Variants in PCID2 observed in about 807,000 individuals in gnomAD.
The protein encoded by PCID2 is PCI domain-containing protein 2.
PCID2 carries 41 observed loss-of-function variants against 61.3 expected under a neutral mutation model. The ratio of observed to expected loss-of-function variants is 0.67; its 90% CI spans 0.52 to 0.87. PCID2 has a LOEUF of 0.87. Ranked by LOEUF, PCID2 falls within the 40% of genes least tolerant of loss-of-function variation. The pLI, the probability that PCID2 is intolerant of heterozygous loss-of-function variation, is 0.00. For synonymous variants in PCID2, 187 were observed against 177.8 expected, an observed-to-expected ratio of 1.05 and a Z score of -0.41; for missense variants, 392 against 493.4, an observed-to-expected ratio of 0.79 and a Z score of 1.95.
the PCID2 span, among the ~76,000 whole-genome samples, chr13:113,168,465 C>T: frequency 6.6e-6 from 1 of 152,268 alleles, no homozygotes; most frequent in Admixed American, 6.5e-5. Flanking sequence ...CCTCTCTGCA[C>T]TTGGGCCTGC....
the PCID2 span, among the ~76,000 whole-genome samples, chr13:113,169,319 C>T: frequency 2.0e-5 from 3 of 152,148 alleles, no homozygotes; most frequent in South Asian, 2.1e-4. Context: ...TTTAAAAATA[C>T]GTATTTTTGT....
At chr13:113,194,132 C>T (rs2038826285) in intron 6 of PCID2, among the ~76,000 whole-genome samples, 1 of 152,198 alleles carries the variant, frequency 6.6e-6, no homozygotes, top group African/African-American at 2.4e-5. Context: ...GGGGGACTAG[C>T]TCCTCATTAC....
the PCID2 span, chr13:113,165,135 T>A: frequency 6.2e-7 from 1 of 1,606,034 alleles, no homozygotes; most frequent in Non-Finnish European, 8.5e-7. Context: ...CAGAGCGCTC[T>A]CCGCGTGCTT....
chr13:113,198,006 T>C (rs2039148709), intron 3 of PCID2, among the ~76,000 whole-genome samples, 185 bp downstream of exon 3: 1 of 152,022 alleles, frequency 6.6e-6, no homozygotes, highest in Admixed American at 6.5e-5. Context: ...ATGTTAAAAA[T>C]AGTATTATAT....
Position 113,179,778 on chromosome 13 carries a change from A to G in PCID2, c.986+139T>C. On this transcript the variant is annotated intron_variant, in intron 12 of 13. Transcript: ENST00000337344. This position sits in a 1 kb window ranked among gnomAD's most constrained non-coding sequence, Gnocchi z 4.3. ...CCAGGAGGCAGTGGGCGGAGGCTTC[A>G]TTTTATCCCACACAATGGAAGGAAG... 1.2e-6 allele frequency: 1 copy of G among 854,170 alleles called. No individual in the cohort carries two copies. Among genetic ancestry groups the G allele is most frequent in the Non-Finnish European group, 1.8e-6 (1 of 558,936 alleles). 52.9% of individuals were successfully genotyped at this position (854,170 alleles called of 1,614,324 possible). A position where few individuals can be genotyped will look rare whatever the true frequency, so the allele number is the denominator to read the frequency against.
intron 7 of PCID2, among the ~76,000 whole-genome samples, chr13:113,189,721 A>G (rs903965998): frequency 6.6e-6 from 1 of 150,724 alleles, no homozygotes; most frequent in African/African-American, 2.4e-5. Context: ...AAGGAGAGGA[A>G]AAAAAAAAAA....
chr13:113,193,480 G>A (rs1464270905), intron 6 of PCID2, among the ~76,000 whole-genome samples: 1 of 152,194 alleles, frequency 6.6e-6, no homozygotes, highest in Non-Finnish European at 1.5e-5. Flanking sequence ...GGACCAGATT[G>A]CCTCTGCTGA....
At chr13:113,199,689 C>T (rs2039274584) in intron 2 of PCID2, among the ~76,000 whole-genome samples, 1 of 152,162 alleles carries the variant, frequency 6.6e-6, no homozygotes, top group Non-Finnish European at 1.5e-5. Context: ...TGAGTCTCAT[C>T]GAGTCTCTAG....
At chr13:113,201,606 T>A (rs978427797) in intron 1 of PCID2, among the ~76,000 whole-genome samples, 1 of 151,924 alleles carries the variant, frequency 6.6e-6, no homozygotes, top group Non-Finnish European at 1.5e-5. Flanking sequence ...GGTCAGAAGA[T>A]CGAGACCCTC....
At chr13:113,184,758 G>A (rs2037949462) in intron 8 of PCID2, among the ~76,000 whole-genome samples, 2 of 150,770 alleles carry the variant, frequency 1.3e-5, no homozygotes. Context: ...GCCCTGCAGT[G>A]GGAAGCCGTT....
chr13:113,203,798 C>T (rs2039604618), intron 1 of PCID2, among the ~76,000 whole-genome samples: 1 of 152,210 alleles, frequency 6.6e-6, no homozygotes, highest in African/African-American at 2.4e-5. Flanking sequence ...TGCGTCTTCC[C>T]CGTTTGCCCT....
chr13:113,197,325 C>T, intron 3 of PCID2, 82 bp from the exon 4 acceptor site: 2 of 939,248 alleles, frequency 2.1e-6, no homozygotes, highest in South Asian at 2.6e-5. Flanking sequence ...CTTCATTGCA[C>T]AGGTCCCAGT....
intron 3 of PCID2, among the ~76,000 whole-genome samples, chr13:113,197,480 A>G (rs1184822513): frequency 6.6e-6 from 1 of 152,238 alleles, no homozygotes; most frequent in East Asian, 1.9e-4. Context: ...TATGAGTAAC[A>G]CATGTTGATA....
the PCID2 span, chr13:113,165,031 C>T: frequency 3.1e-6 from 5 of 1,612,592 alleles, no homozygotes; most frequent in Non-Finnish European, 4.2e-6. Context: ...TTTTTATTCT[C>T]ATGTTGCTGC....
chr13:113,199,410 A>G (rs1206048652), intron 2 of PCID2, among the ~76,000 whole-genome samples: 3 of 152,246 alleles, frequency 2.0e-5, no homozygotes, highest in African/African-American at 7.2e-5. Context: ...ACAATGGATT[A>G]TAAGCACACT....
chr13:113,207,125 T>C (rs1260511577), intron 1 of PCID2, among the ~76,000 whole-genome samples: 1 of 152,232 alleles, frequency 6.6e-6, no homozygotes, highest in African/African-American at 2.4e-5. Context: ...TTCACTCTAA[T>C]ACATCGCAAG....
rs1170539138 is a variant in PCID2, at chr13:113,200,507, C to T, written c.46G>A (p.Ala16Thr). ...GATGCTCCATCTCTGCTGTCGATGG[C>T]TTCGTACACCTGAAACATTTGAAAG... ...INQYLQQVYE[A>T]IDSRDGASCA... Residue 16 changes from alanine to threonine, a missense_variant, in exon 2 of 14, where the codon GCC becomes ACC. By Grantham distance (58) the Ala-to-Thr change is moderately conservative. Coordinates refer to ENST00000337344, the MANE Select transcript of PCID2 (RefSeq NM_001127202.4). 3.1e-6 allele frequency: 5 copies of T among 1,607,750 alleles called. No individual in the cohort carries two copies. The highest frequency in any genetic ancestry group is 4.3e-6 in the Non-Finnish European group (5 of 1,174,384).
Position 113,179,915 on chromosome 13 carries a change from A to G in PCID2, c.986+2T>C. The G allele has an allele frequency of 8.7e-6, 14 of 1,611,912 alleles. No individual in the cohort carries two copies. The highest frequency in any genetic ancestry group is 1.1e-5 in the Non-Finnish European group (13 of 1,178,992). Reference sequence around the variant, plus strand: ...AGCCCAATGTGCCGGGGAAATGCTTACACTTTCTTAAAGAGGTTCCTGTAG... The same window carrying G: ...AGCCCAATGTGCCGGGGAAATGCTTGCACTTTCTTAAAGAGGTTCCTGTAG... On this transcript the variant is annotated splice_donor_variant, in intron 12 of 13. Coordinates refer to ENST00000337344, the MANE Select transcript of PCID2 (RefSeq NM_001127202.4). LOFTEE classifies it high-confidence loss of function. The surrounding 1 kb of genome is among the most constrained non-coding windows in gnomAD (Gnocchi z 4.3).
the PCID2 span, chr13:113,171,468 G>A: frequency 1.4e-5 from 17 of 1,176,290 alleles, no homozygotes; most frequent in Middle Eastern, 1.9e-4. The surrounding 1 kb of genome is among the most constrained non-coding windows in gnomAD (Gnocchi z 5.1). Context: ...ACCACGGGGC[G>A]GTGAGCCTGC....
Sources: gnomAD v4.1 joint callset for allele counts (sites outside exome capture counted in the v4.1 genomes callset) on GRCh38, gnomAD v4.1.1 for gene constraint, Gnocchi (gnomAD v3.1) non-coding constraint, MANE v1.5 for transcripts, NCBI Gene and HGNC (gene_info 2026-07-23, HGNC 2026-07-21) for gene names.